Variants in MYT1L observed in about 807,000 individuals in gnomAD.
MYT1L encodes myelin transcription factor 1 like, also known as myelin transcription factor 1-like protein.
Under a neutral mutation model 126.7 loss-of-function variants are expected in MYT1L, and 12 were observed. That is an observed-to-expected ratio of 0.09 (90% CI 0.06 to 0.15). MYT1L has a LOEUF of 0.15. Among genes scored for constraint, MYT1L ranks in the 10% least tolerant of loss-of-function variants. MYT1L has a pLI of 1.00. For synonymous variants in MYT1L, 541 were observed against 604.2 expected (o/e 0.90, Z 1.53); for missense variants, 979 against 1,585.2 (o/e 0.62, Z 6.49).
At chr2:1,792,077 A>G in intron 24 of MYT1L, 70 bp from the exon 25 acceptor site, 1 of 1,320,218 alleles carries the variant, frequency 7.6e-7, no homozygotes, top group Non-Finnish European at 1.0e-6. Context: ...AAAAGCATAA[A>G]ATAGTATCAT....
chr2:2,100,691 A>G (rs1190906094), intron 3 of MYT1L, among the ~76,000 whole-genome samples: 13 of 152,144 alleles, frequency 8.5e-5, no homozygotes, highest in Admixed American at 8.5e-4. Flanking sequence ...CCTGGAAGAA[A>G]AATTTCCCCT....
At chr2:2,083,232 C>T (rs1183663532) in intron 3 of MYT1L, among the ~76,000 whole-genome samples, 6 of 152,230 alleles carry the variant, frequency 3.9e-5, no homozygotes, top group Non-Finnish European at 7.3e-5. Flanking sequence ...CAACCCTTTA[C>T]GCCTGTGCTC....
intron 22 of MYT1L, among the ~76,000 whole-genome samples, chr2:1,805,158 A>T (rs1045778655): frequency 6.6e-6 from 1 of 152,222 alleles, no homozygotes; most frequent in Non-Finnish European, 1.5e-5. Context: ...TGTTGGGCAG[A>T]GACATGAGAG....
chr2:1,826,002 T>G (rs554174313), intron 21 of MYT1L: 1 of 152,312 alleles, frequency 6.6e-6, no homozygotes, highest in Admixed American at 6.5e-5. Flanking sequence ...GGGGGCCTCA[T>G]CCGCGGAGGA....
At chr2:2,201,123 C>T (rs12468168) in intron 2 of MYT1L, among the ~76,000 whole-genome samples, 26,357 of 152,126 alleles carry the variant, frequency 0.17, 2,455 homozygotes, top group African/African-American at 0.26. Context: ...TAAATCCTAA[C>T]TCTGAAAAGA....
rs116650240 is a variant in MYT1L, at chr2:2,148,074, A to C, written c.-304+24798T>G. ...ACCTCTAATTTAAGCAGGATGCAGGATCACACCTCTCATCCTCCAGGGCTC... is the reference window on the plus strand; with the variant it reads ...ACCTCTAATTTAAGCAGGATGCAGGCTCACACCTCTCATCCTCCAGGGCTC... On this transcript the variant is annotated intron_variant, in intron 3 of 24. Coordinates refer to ENST00000647738, the MANE Select transcript of MYT1L (RefSeq NM_001303052.2). 4.9e-3 allele frequency among the ~76,000 whole-genome samples: 742 copies of C among 152,292 alleles called. 6 individuals are homozygous for C. The highest frequency in any genetic ancestry group is 0.017 in the African/African-American group (718 of 41,558).
chr2:2,092,315 T>C (rs2076987357), intron 3 of MYT1L, among the ~76,000 whole-genome samples: 1 of 151,924 alleles, frequency 6.6e-6, no homozygotes. Flanking sequence ...AAGGGGGAGA[T>C]AGAAGAATGA....
chr2:1,987,135 A>G (rs913959729), intron 5 of MYT1L, among the ~76,000 whole-genome samples: 1 of 152,148 alleles, frequency 6.6e-6, no homozygotes, highest in Non-Finnish European at 1.5e-5. Flanking sequence ...CTTGCCAGCA[A>G]GTTCTGGGAG....
intron 8 of MYT1L, among the ~76,000 whole-genome samples, chr2:1,976,184 G>C (rs2060168555): frequency 6.8e-6 from 1 of 146,798 alleles, no homozygotes; most frequent in Admixed American, 6.8e-5. Context: ...CTACTCTTTT[G>C]TCCTATTTAG....
chr2:1,927,535 G>A (rs2054396533), intron 9 of MYT1L, among the ~76,000 whole-genome samples: 1 of 152,166 alleles, frequency 6.6e-6, no homozygotes. Flanking sequence ...GCTTCTTAGT[G>A]TCTCTCCCTA....
At chr2:1,980,082 G>T (rs2060489371) in intron 5 of MYT1L, among the ~76,000 whole-genome samples, 1 of 151,650 alleles carries the variant, frequency 6.6e-6, no homozygotes. Flanking sequence ...GAATTTGATG[G>T]AGACACATCT....
intron 8 of MYT1L, among the ~76,000 whole-genome samples, chr2:1,954,714 C>T (rs989098965): frequency 2.0e-5 from 3 of 152,048 alleles, no homozygotes; most frequent in African/African-American, 7.2e-5. Context: ...AGTACTACCA[C>T]CTTGAATGAT....
At chr2:2,002,215 G>A (rs948764398) in intron 4 of MYT1L, among the ~76,000 whole-genome samples, 2 of 152,114 alleles carry the variant, frequency 1.3e-5, no homozygotes, top group African/African-American at 4.8e-5. Context: ...CTTAGCTGGG[G>A]TATATTTTCT....
At chr2:2,202,337 GT>G (rs2093117455) in intron 2 of MYT1L, among the ~76,000 whole-genome samples, 1 of 152,080 alleles carries the variant, frequency 6.6e-6, no homozygotes, top group South Asian at 2.1e-4. Context: ...CCAGGAGCTG[GT>G]TTTTTGAAAA....
At position 1,876,067 on chromosome 2, in the gene MYT1L, A is replaced by G. The variant is rs539162476; in HGVS notation, c.2711+10472T>C. The stretch of plus-strand genomic sequence containing the variant: ...CATCTGCGGTGAGGTTGAGGGCTGC[A>G]GTGATATTGAAAGTCTCTTTGGCCG... On this transcript the variant is annotated intron_variant, in intron 18 of 24. Coordinates refer to ENST00000647738, the MANE Select transcript of MYT1L (RefSeq NM_001303052.2). Among the ~76,000 whole-genome samples the G allele has an allele frequency of 7.9e-4, 120 of 152,348 alleles. 1 individual carries two copies. The highest frequency in any genetic ancestry group is 3.5e-3 in the Admixed American group (54 of 15,310).
intron 2 of MYT1L, among the ~76,000 whole-genome samples, chr2:2,203,036 A>C (rs1264059540): frequency 2.4e-4 from 36 of 150,476 alleles, no homozygotes; most frequent in African/African-American, 6.1e-4. Context: ...TGATTATCTC[A>C]ATAGATGCAG....
chr2:2,003,576 C>A (rs1030272778), intron 4 of MYT1L, among the ~76,000 whole-genome samples: 1 of 152,242 alleles, frequency 6.6e-6, no homozygotes, highest in Admixed American at 6.5e-5. Flanking sequence ...AGGGGCTTCT[C>A]TCCTGGGGTG....
intron 2 of MYT1L, among the ~76,000 whole-genome samples, chr2:2,177,772 C>T (rs879930011): frequency 2.3e-4 from 35 of 152,182 alleles, no homozygotes; most frequent in Non-Finnish European, 1.0e-4. Context: ...GGGTAAACCA[C>T]CCCCACGATC....
At chr2:2,250,529 C>A (rs2094617204) in intron 2 of MYT1L, among the ~76,000 whole-genome samples, 3 of 139,296 alleles carry the variant, frequency 2.2e-5, no homozygotes, top group African/African-American at 5.4e-5. Context: ...AGTAAGGGGC[C>A]AGGCGGGGAA....
Sources: allele counts gnomAD v4.1 joint callset (sites outside exome capture counted in the v4.1 genomes callset), GRCh38; gene constraint gnomAD v4.1.1; transcripts MANE v1.5; gene names NCBI Gene and HGNC (gene_info 2026-07-23, HGNC 2026-07-21).